Variants in ERG observed in about 807,000 individuals in gnomAD.
ERG encodes ETS transcription factor ERG.
A neutral mutation model predicts 55.3 loss-of-function variants in ERG; 9 were observed. That is an observed-to-expected ratio of 0.16 (90% CI 0.10 to 0.28). The LOEUF (loss-of-function observed/expected upper bound fraction) is 0.28. ERG is among the 10% of genes least tolerant of loss of function. The probability of loss-of-function intolerance (pLI) is 1.00; values close to 1 mark genes in which losing one functional copy is unlikely to be tolerated. For synonymous variants in ERG, 223 were observed against 237.3 expected (o/e 0.94, Z 0.55); for missense variants, 434 against 631.6 (o/e 0.69, Z 3.35).
intron 1 of ERG, among the ~76,000 whole-genome samples, chr21:38,456,399 C>T (rs549706390): frequency 6.6e-6 from 1 of 152,224 alleles, no homozygotes; most frequent in African/African-American, 2.4e-5. Context: ...AATATGGCAT[C>T]TGTTCTACAC....
chr21:38,406,393 G>C (rs1402297972), intron 3 of ERG, among the ~76,000 whole-genome samples: 1 of 152,132 alleles, frequency 6.6e-6, no homozygotes, highest in East Asian at 1.9e-4. Flanking sequence ...TTCGTCATTG[G>C]CTGAGAATTT....
intron 1 of ERG, among the ~76,000 whole-genome samples, chr21:38,584,537 C>T (rs775159505): frequency 6.6e-6 from 1 of 152,076 alleles, no homozygotes; most frequent in Non-Finnish European, 1.5e-5. Context: ...AGAGAGTAGA[C>T]AGTGATGGAG....
At chr21:38,444,539 A>C (rs979052466) in intron 2 of ERG, among the ~76,000 whole-genome samples, 2 of 152,176 alleles carry the variant, frequency 1.3e-5, no homozygotes, top group Non-Finnish European at 1.5e-5. Flanking sequence ...TATATGGGGT[A>C]TTAGATCATA....
intron 1 of ERG, among the ~76,000 whole-genome samples, chr21:38,593,260 T>A (rs2060112105): frequency 6.6e-6 from 1 of 152,224 alleles, no homozygotes; most frequent in South Asian, 2.1e-4. Context: ...GAAAGGCGGA[T>A]GACATCAAGA....
At chr21:38,569,919 C>G (rs1035305289) in intron 2 of ERG, among the ~76,000 whole-genome samples, 2 of 152,138 alleles carry the variant, frequency 1.3e-5, no homozygotes, top group Admixed American at 6.5e-5. Context: ...CAGATAGACA[C>G]TTGGAGTTTA....
At chr21:38,401,296 T>G (rs1243582732) in intron 5 of ERG, among the ~76,000 whole-genome samples, 2 of 152,204 alleles carry the variant, frequency 1.3e-5, no homozygotes, top group Non-Finnish European at 2.9e-5. Flanking sequence ...AAAGAACTCA[T>G]AAATAAATGT....
intron 3 of ERG, among the ~76,000 whole-genome samples, chr21:38,422,061 G>A (rs940226568): frequency 6.6e-6 from 1 of 152,148 alleles, no homozygotes; most frequent in Admixed American, 6.5e-5. Flanking sequence ...ATGGCAGAAG[G>A]GAATGAATGA....
At chr21:38,515,366 T>C (rs1313000601) in intron 2 of ERG, among the ~76,000 whole-genome samples, 2 of 151,874 alleles carry the variant, frequency 1.3e-5, no homozygotes, top group African/African-American at 4.8e-5. Flanking sequence ...CCTGCCAAGA[T>C]TGAATCAGAA....
At chr21:38,397,087 C>A (rs921765475) in intron 6 of ERG, among the ~76,000 whole-genome samples, 4 of 152,032 alleles carry the variant, frequency 2.6e-5, no homozygotes, top group Non-Finnish European at 5.9e-5. Flanking sequence ...TAGGTACGGG[C>A]ATGCAAGGAA....
At chr21:38,437,342 G>C (rs2058800372) in intron 2 of ERG, among the ~76,000 whole-genome samples, 1 of 152,120 alleles carries the variant, frequency 6.6e-6, no homozygotes, top group African/African-American at 2.4e-5. Context: ...GGTGGGGGTG[G>C]GGGCTGCAGG....
At chr21:38,577,178 G>A (rs950431250) in intron 1 of ERG, among the ~76,000 whole-genome samples, 1 of 152,142 alleles carries the variant, frequency 6.6e-6, no homozygotes, top group Non-Finnish European at 1.5e-5. Context: ...TTACTGTAGT[G>A]ACAAGTGAAA....
intron 2 of ERG, among the ~76,000 whole-genome samples, chr21:38,509,787 G>A (rs1177576343): frequency 2.0e-5 from 3 of 152,210 alleles, no homozygotes; most frequent in Non-Finnish European, 4.4e-5. Context: ...GAGAAGCAGA[G>A]GGAGAGGGTG....
At chr21:38,658,579 T>A (rs1234295116) in intron 1 of ERG, among the ~76,000 whole-genome samples, 1 of 152,182 alleles carries the variant, frequency 6.6e-6, no homozygotes, top group Non-Finnish European at 1.5e-5. Flanking sequence ...AAAACTAATA[T>A]TACTTTTAGA....
chr21:38,460,210 G>A lies in ERG; in HGVS notation c.19-14589C>T, dbSNP rs962336739. ...GGACCAAGAACAGCCAGGGAGGAGG[G>A]GTTACTGGAAAGGAGCGAAAGAAAG... is the stretch of plus-strand genomic sequence containing the variant. On this transcript the variant is annotated intron_variant, in intron 1 of 9. Coordinates refer to ENST00000288319, the MANE Select transcript of ERG (RefSeq NM_182918.4). The surrounding 1 kb of genome is among the most constrained non-coding windows in gnomAD (Gnocchi z 5.0). Among the ~76,000 whole-genome samples the A allele has an allele frequency of 2.6e-5, 4 of 152,108 alleles. No homozygotes were observed. In the East Asian group the frequency reaches 5.8e-4, roughly 22 times the overall value.
intron 3 of ERG, among the ~76,000 whole-genome samples, chr21:38,406,005 A>G (rs1320718633): frequency 6.6e-6 from 1 of 151,928 alleles, no homozygotes; most frequent in Non-Finnish European, 1.5e-5. Flanking sequence ...ACAAAAAAAA[A>G]TTAGTCGGGC....
upstream of ERG, among the ~76,000 whole-genome samples, chr21:38,589,835 T>C (rs1332109806): frequency 6.6e-6 from 1 of 152,194 alleles, no homozygotes. Context: ...GCACATCAAA[T>C]GCATTTTCCT....
intron 2 of ERG, among the ~76,000 whole-genome samples, chr21:38,549,942 G>A (rs62219617): frequency 0.078 from 11,891 of 152,162 alleles, 588 homozygotes; most frequent in African/African-American, 0.14. Context: ...TAGGTTACAC[G>A]GAAAAATTCT....
chr21:38,529,553 G>A (rs1601193923), intron 2 of ERG, among the ~76,000 whole-genome samples: 1 of 152,318 alleles, frequency 6.6e-6, no homozygotes, highest in South Asian at 2.1e-4. Context: ...GCCTTGGGGA[G>A]CAGTGATGAG....
In ERG at chr21:38,477,967, G is replaced by A. The variant is rs867763830; in HGVS notation, c.18+20396C>T. ...GCAATCTTCATGATGACCTGAGATA[G>A]CTATCAAAATAGTCCATCCTAACAT... On this transcript the variant is annotated intron_variant, in intron 1 of 9. Transcript: ENST00000288319. Among the ~76,000 whole-genome samples, 39 of 152,342 alleles carry A rather than the reference G, an allele frequency of 2.6e-4. 1 individual carries two copies. In the Middle Eastern group the frequency reaches 0.01, roughly 40 times the overall value.
Sources: allele counts gnomAD v4.1 joint callset (sites outside exome capture counted in the v4.1 genomes callset), GRCh38; gene constraint gnomAD v4.1.1; non-coding constraint Gnocchi (gnomAD v3.1); transcripts MANE v1.5; gene names NCBI Gene and HGNC (gene_info 2026-07-23, HGNC 2026-07-21).